Variants in BABAM2 observed in about 807,000 individuals in gnomAD.
BABAM2 encodes the protein BRISC and BRCA1 A complex member 2.
In BABAM2, 31 loss-of-function variants were observed where a neutral mutation model predicts 54.7. That is an observed-to-expected ratio of 0.57 (90% CI 0.43 to 0.77). The LOEUF (loss-of-function observed/expected upper bound fraction) is 0.77. Among genes scored for constraint, BABAM2 ranks in the 30% least tolerant of loss-of-function variants. The pLI, the probability that BABAM2 is intolerant of heterozygous loss-of-function variation, is 0.00. For missense variants in BABAM2, 364 were observed against 455.8 expected, an observed-to-expected ratio of 0.80 and a Z score of 1.83; for synonymous variants, 167 against 162.9, an observed-to-expected ratio of 1.03 and a Z score of -0.19.
chr2:28,181,773 G>T (rs1394678248), intron 7 of BABAM2, among the ~76,000 whole-genome samples: 1 of 151,244 alleles, frequency 6.6e-6, no homozygotes, highest in East Asian at 1.9e-4. Context: ...AGAAAAATAT[G>T]CACCAATAAA....
intron 6 of BABAM2, among the ~76,000 whole-genome samples, chr2:28,073,419 G>A (rs1432940005): frequency 1.3e-5 from 2 of 152,078 alleles, no homozygotes; most frequent in Non-Finnish European, 2.9e-5. Context: ...GACCATTAGA[G>A]CCCCAAAATT....
chr2:28,260,838 G>A (rs150702995), intron 10 of BABAM2, among the ~76,000 whole-genome samples: 1 of 151,322 alleles, frequency 6.6e-6, no homozygotes, highest in African/African-American at 2.4e-5. Context: ...GCAATGTTTT[G>A]TAGTTTTCAA....
At chr2:28,072,233 C>T (rs930096399) in intron 6 of BABAM2, among the ~76,000 whole-genome samples, 15 of 151,638 alleles carry the variant, frequency 9.9e-5, no homozygotes, top group Admixed American at 6.6e-4. Context: ...AGGGCAGTGG[C>T]GCCATCTTGG....
chr2:27,982,016 CTTATTA>C (rs1219340277), intron 3 of BABAM2, among the ~76,000 whole-genome samples: 1 of 152,084 alleles, frequency 6.6e-6, no homozygotes, highest in Non-Finnish European at 1.5e-5. Context: ...TTCATAAACA[CTTATTA>C]TTATATGTCT....
At chr2:28,265,003 T>C (rs1684856386) in intron 10 of BABAM2, among the ~76,000 whole-genome samples, 1 of 152,168 alleles carries the variant, frequency 6.6e-6, no homozygotes, top group Admixed American at 6.5e-5. Flanking sequence ...GAGATAGCAT[T>C]AGTTTTTCAA....
At chr2:27,988,421 T>A (rs1033072063) in intron 4 of BABAM2, among the ~76,000 whole-genome samples, 9 of 152,212 alleles carry the variant, frequency 5.9e-5, no homozygotes. Flanking sequence ...TTTTCTAATG[T>A]TTACTAACAC....
At chr2:27,951,669 A>G (rs924155368) in intron 3 of BABAM2, among the ~76,000 whole-genome samples, 2 of 152,020 alleles carry the variant, frequency 1.3e-5, no homozygotes, top group Non-Finnish European at 2.9e-5. Flanking sequence ...TATTGTTACT[A>G]ATTTTCTTTT....
At chr2:28,138,303 T>C (rs923918075) in intron 7 of BABAM2, among the ~76,000 whole-genome samples, 1 of 152,068 alleles carries the variant, frequency 6.6e-6, no homozygotes, top group Non-Finnish European at 1.5e-5. Flanking sequence ...AAAAAGAAAT[T>C]GACACCTAGA....
chr2:27,928,283 G>A (rs1246783465), intron 2 of BABAM2, among the ~76,000 whole-genome samples: 1 of 152,064 alleles, frequency 6.6e-6, no homozygotes, highest in Non-Finnish European at 1.5e-5. Context: ...CAAAGGGCTG[G>A]GATTACAGAT....
Position 27,958,831 on chromosome 2 carries a change from T to G in BABAM2, c.205+28923T>G, listed in dbSNP as rs182584252. On this transcript the variant is annotated intron_variant, in intron 3 of 11. Transcript: ENST00000379624. Reference sequence around the variant, plus strand: ...TTGCACACAGTATACACTATCAGTGTGAAGTACTTTGAGCCCTGCAGAAGA... The same window carrying G: ...TTGCACACAGTATACACTATCAGTGGGAAGTACTTTGAGCCCTGCAGAAGA... Among the ~76,000 whole-genome samples the G allele has an allele frequency of 1.1e-4, 16 of 152,272 alleles. No individual in the cohort carries two copies. The East Asian group carries it at 3.1e-3, about 29-fold the overall frequency.
chr2:27,940,305 G>A (rs1232410537), intron 3 of BABAM2, among the ~76,000 whole-genome samples: 1 of 152,186 alleles, frequency 6.6e-6, no homozygotes, highest in African/African-American at 2.4e-5. Flanking sequence ...GTCATACTCT[G>A]TAGCAATTAA....
chr2:28,258,845 C>T (rs1019157929), intron 10 of BABAM2, among the ~76,000 whole-genome samples: 10 of 150,868 alleles, frequency 6.6e-5, no homozygotes, highest in South Asian at 2.1e-4. Flanking sequence ...GGTGCGATCT[C>T]GGCTCACTGC....
In BABAM2 at chr2:27,988,081, T is replaced by G; in HGVS notation, c.294T>G (p.Ala98=). 1 of 1,612,904 alleles carries G rather than the reference T, an allele frequency of 6.2e-7. No homozygotes were observed. The highest frequency in any genetic ancestry group is 8.5e-7 in the Non-Finnish European group (1 of 1,178,968). Reference sequence around the variant, plus strand: ...CTGAATTCCTGCCAGACCCCTCAGCTTTGCAGGTGAGTACTGCAGACTTGC... The same window carrying G: ...CTGAATTCCTGCCAGACCCCTCAGCGTTGCAGGTGAGTACTGCAGACTTGC... ...EDAEFLPDPS[A]LQNLASWNPS... is the part of the protein sequence containing the mutation. The change falls in exon 4 of 12, where the codon GCT becomes GCG. Residue 98 remains alanine, a synonymous_variant. Coordinates refer to ENST00000379624, the MANE Select transcript of BABAM2 (RefSeq NM_199191.3).
chr2:28,106,046 A>C (rs945758722), intron 6 of BABAM2, among the ~76,000 whole-genome samples: 1 of 152,004 alleles, frequency 6.6e-6, no homozygotes, highest in African/African-American at 2.4e-5. Context: ...CTTTTAAAAA[A>C]CCATTTGAGA....
chr2:27,888,784 G>A (rs1052566256), upstream of BABAM2, among the ~76,000 whole-genome samples: 1 of 77,472 alleles, frequency 1.3e-5, no homozygotes, highest in Admixed American at 1.1e-4. Flanking sequence ...TTTAAAAAAT[G>A]TTGTTAAAAA....
At chr2:27,894,943 G>C (rs1665171041) in intron 2 of BABAM2, 2 of 410,628 alleles carry the variant, frequency 4.9e-6, no homozygotes, top group South Asian at 8.2e-5. Context: ...TGAAGAGCAT[G>C]CCGTCAGAGT....
chr2:28,319,477 C>T (rs901868726), intron 11 of BABAM2, among the ~76,000 whole-genome samples: 1 of 152,242 alleles, frequency 6.6e-6, no homozygotes, highest in Non-Finnish European at 1.5e-5. Flanking sequence ...CTCCCTGCGC[C>T]TCTTGTACCT....
intron 7 of BABAM2, among the ~76,000 whole-genome samples, chr2:28,203,653 G>T (rs1003915152): frequency 6.6e-6 from 1 of 152,072 alleles, no homozygotes; most frequent in East Asian, 1.9e-4. Context: ...CATAAGAGAC[G>T]TTTTTCATTT....
At chr2:27,920,855 A>G (rs1168736360) in intron 2 of BABAM2, among the ~76,000 whole-genome samples, 1 of 152,214 alleles carries the variant, frequency 6.6e-6, no homozygotes, top group African/African-American at 2.4e-5. Flanking sequence ...ATCAAAAAAC[A>G]GGGTTAGCCC....
Sources: gnomAD v4.1 joint callset for allele counts (sites outside exome capture counted in the v4.1 genomes callset) on GRCh38, gnomAD v4.1.1 for gene constraint, MANE v1.5 for transcripts, NCBI Gene and HGNC (gene_info 2026-07-23, HGNC 2026-07-21) for gene names.